The following CCDC30 variants were observed in gnomAD, a reference collection of about 807,000 sequenced individuals.
CCDC30 encodes the protein coiled-coil domain-containing protein 30.
Under a neutral mutation model 100.2 loss-of-function variants are expected in CCDC30, and 70 were observed. The ratio of observed to expected loss-of-function variants is 0.70; its 90% CI spans 0.58 to 0.85. CCDC30 has a LOEUF of 0.85. Ranked by LOEUF, CCDC30 falls within the 40% of genes least tolerant of loss-of-function variation. CCDC30 has a pLI of 0.00. For synonymous variants in CCDC30, 233 were observed against 269.5 expected, an observed-to-expected ratio of 0.86 and a Z score of 1.33; for missense variants, 652 against 771.2, an observed-to-expected ratio of 0.85 and a Z score of 1.83.
rs1048819692 is a variant in CCDC30, at chr1:42,539,109, T to C, written c.457-27187T>C. ...TTTCAAGATTCATTCTTAAAAATATTATATCTTTTATGGGGGAAAATAGTC... is the reference window on the plus strand; with the variant it reads ...TTTCAAGATTCATTCTTAAAAATATCATATCTTTTATGGGGGAAAATAGTC... On this transcript the variant is annotated intron_variant, in intron 6 of 16. Coordinates refer to ENST00000668663, the Ensembl canonical transcript of CCDC30. 9.4e-6 allele frequency: 12 copies of C among 1,274,404 alleles called. No individual in the cohort carries two copies. The East Asian group carries it at 3.2e-4, about 34-fold the overall frequency. The allele number at this position is 1,274,404 out of a possible 1,614,324, so 78.9% of individuals were successfully genotyped here.
chr1:42,535,879 C>G (rs1644895370), intron 6 of CCDC30, among the ~76,000 whole-genome samples: 1 of 148,206 alleles, frequency 6.7e-6, no homozygotes, highest in Non-Finnish European at 1.5e-5. Context: ...AGAAAATTCA[C>G]TTTGGCAAGG....
intron 10 of CCDC30, among the ~76,000 whole-genome samples, chr1:42,598,025 G>A (rs1646326940): frequency 2.0e-5 from 3 of 151,134 alleles, no homozygotes; most frequent in African/African-American, 7.3e-5. Flanking sequence ...ACCTTAGCCA[G>A]GTGTGGTGGA....
chr1:42,622,861 G>A (rs971364609), intron 11 of CCDC30, among the ~76,000 whole-genome samples: 1 of 152,020 alleles, frequency 6.6e-6, no homozygotes, highest in Non-Finnish European at 1.5e-5. Flanking sequence ...GTGTATGAGG[G>A]TTCCCTTTTC....
At position 42,475,327 on chromosome 1, in the gene CCDC30, C is replaced by T. The variant is rs6698435; in HGVS notation, c.-91-5134C>T. Among the ~76,000 whole-genome samples the T allele has an allele frequency of 5.2e-3, 792 of 152,126 alleles. 7 individuals are homozygous for T. Among genetic ancestry groups the T allele is most frequent in the African/African-American group, 0.018 (765 of 41,506 alleles). The stretch of plus-strand genomic sequence containing the variant: ...CTTTAATATGGATTAAAATATGAGC[C>T]ATGGACTAAAAGTAAGAAAATGTGT... On this transcript the variant is annotated intron_variant, in intron 1 of 16. Coordinates refer to ENST00000668663, the Ensembl canonical transcript of CCDC30.
chr1:42,625,393 ATTTCT>A (rs1646914256), intron 11 of CCDC30, among the ~76,000 whole-genome samples: 1 of 151,104 alleles, frequency 6.6e-6, no homozygotes. Context: ...GATCTTTATG[ATTTCT>A]TTTCTTCTAC....
chr1:42,637,109 G>A (rs1054399162), intron 11 of CCDC30, 128 bp from the exon 16 acceptor site: 3 of 653,120 alleles, frequency 4.6e-6, no homozygotes, highest in East Asian at 6.8e-5. Context: ...GGCAGGATAA[G>A]TATCCACATC....
At chr1:42,553,705 C>T (rs1157995159) in intron 6 of CCDC30, among the ~76,000 whole-genome samples, 1 of 147,812 alleles carries the variant, frequency 6.8e-6, no homozygotes, top group African/African-American at 2.5e-5. Flanking sequence ...TATACATTTG[C>T]ATTTTCCCAG....
intron 6 of CCDC30, among the ~76,000 whole-genome samples, chr1:42,504,160 C>T (rs909650943): frequency 1.3e-5 from 2 of 152,222 alleles, no homozygotes; most frequent in Non-Finnish European, 1.5e-5. Flanking sequence ...AGGCACAGAT[C>T]GCTCATGCTA....
downstream of CCDC30, chr1:42,654,247 T>TA (rs1310956971): frequency 9.6e-5 from 49 of 509,094 alleles, no homozygotes; most frequent in Non-Finnish European, 1.6e-4. Context: ...ATATTGACTT[T>TA]AGTTCAATGA....
At chr1:42,458,866 A>G (rs1175727161), upstream of CCDC30, among the ~76,000 whole-genome samples, 1 of 152,230 alleles carries the variant, frequency 6.6e-6, no homozygotes, top group Non-Finnish European at 1.5e-5. Context: ...ACATGTGACA[A>G]TTTAAAAATG....
intron 6 of CCDC30, among the ~76,000 whole-genome samples, chr1:42,542,066 C>G (rs1645022145): frequency 6.6e-6 from 1 of 152,194 alleles, no homozygotes; most frequent in Admixed American, 6.6e-5. Context: ...AAGCTTAATT[C>G]TTATGCTACT....
intron 1 of CCDC30, among the ~76,000 whole-genome samples, chr1:42,469,088 C>T (rs962928833): frequency 4.0e-5 from 6 of 151,686 alleles, no homozygotes; most frequent in Admixed American, 2.0e-4. Flanking sequence ...TTAAAACAAA[C>T]AAAAACAGGG....
chr1:42,486,265 C>T (rs1348814949), intron 3 of CCDC30, among the ~76,000 whole-genome samples: 1 of 152,150 alleles, frequency 6.6e-6, no homozygotes, highest in Non-Finnish European at 1.5e-5. Flanking sequence ...TGCAGTATAT[C>T]CATACTGTGC....
rs1002974031 is a variant in CCDC30 at position 42,650,338 on chromosome 1, A to G, written c.1855-3038A>G. On this transcript the variant is annotated intron_variant, in intron 15 of 16. Transcript: ENST00000668663. ...ACATTGCAAAACCCTATCTCTACAA[A>G]AAAGTAAAAAATTAGCTGGGCATAG... Among the ~76,000 whole-genome samples, 3 of 151,916 alleles carry G rather than the reference A, an allele frequency of 2.0e-5. No individual in the cohort carries two copies. The East Asian group carries it at 5.8e-4, about 29-fold the overall frequency.
chr1:42,607,123 A>C (rs1287851350), intron 10 of CCDC30, among the ~76,000 whole-genome samples: 2 of 152,210 alleles, frequency 1.3e-5, no homozygotes, highest in Non-Finnish European at 2.9e-5. Flanking sequence ...GAGAATTTAA[A>C]GCTAGCAAAG....
chr1:42,486,971 A>C (rs1190959259), intron 3 of CCDC30, among the ~76,000 whole-genome samples: 1 of 152,140 alleles, frequency 6.6e-6, no homozygotes, highest in Non-Finnish European at 1.5e-5. Flanking sequence ...TCCTATAGAG[A>C]TAGGAAGTAG....
At chr1:42,581,543 G>A in intron 9 of CCDC30, 29 bp downstream of exon 13, 1 of 1,597,308 alleles carries the variant, frequency 6.3e-7, no homozygotes, top group Non-Finnish European at 8.5e-7. Flanking sequence ...TCAGTTTCCT[G>A]TGGGTTTAGC....
At chr1:42,603,393 G>A (rs1646442501) in intron 10 of CCDC30, among the ~76,000 whole-genome samples, 1 of 152,128 alleles carries the variant, frequency 6.6e-6, no homozygotes, top group Admixed American at 6.5e-5. Flanking sequence ...TGGTGCATTG[G>A]GAGTTATGTT....
At chr1:42,651,619 T>A (rs1316424086) in intron 15 of CCDC30, among the ~76,000 whole-genome samples, 1 of 151,998 alleles carries the variant, frequency 6.6e-6, no homozygotes, top group African/African-American at 2.4e-5. Flanking sequence ...ATCCCAGCAG[T>A]TTGGGAGGCT....
Sources: allele counts gnomAD v4.1 joint callset (sites outside exome capture counted in the v4.1 genomes callset), GRCh38; gene constraint gnomAD v4.1.1; transcripts MANE v1.5; gene names NCBI Gene and HGNC (gene_info 2026-07-23, HGNC 2026-07-21).